The following CAGE1 variants were observed in gnomAD, a reference collection of about 807,000 sequenced individuals.
The protein encoded by CAGE1 is cancer antigen 1.
A neutral mutation model predicts 94.9 loss-of-function variants in CAGE1; 66 were observed. The observed-to-expected ratio is 0.70, with a 90% CI of 0.57 to 0.85. CAGE1 has a LOEUF of 0.85. CAGE1 is among the 40% of genes least tolerant of loss of function. The pLI, the probability that CAGE1 is intolerant of heterozygous loss-of-function variation, is 0.00. For synonymous variants in CAGE1, 319 were observed against 321.0 expected, an observed-to-expected ratio of 0.99 and a Z score of 0.07; for missense variants, 865 against 950.4, an observed-to-expected ratio of 0.91 and a Z score of 1.18.
chr6:7,332,998 T>C (rs748828395), intron 12 of CAGE1, among the ~76,000 whole-genome samples: 23 of 152,284 alleles, frequency 1.5e-4, no homozygotes, highest in Non-Finnish European at 2.9e-4. Context: ...TTGCCCAGGC[T>C]GTAGTGCAGT....
At chr6:7,367,508 C>T (rs1023976392) in intron 7 of CAGE1, among the ~76,000 whole-genome samples, 17 of 152,214 alleles carry the variant, frequency 1.1e-4, no homozygotes, top group Non-Finnish European at 1.5e-4. Flanking sequence ...CTCCTGGGCT[C>T]AGGCCATCCG....
Position 7,378,750 on chromosome 6 carries a change from T to TAG in CAGE1, c.553_554insCT (p.Gln185ProfsTer10). ...TAGAGGCGGGCTTCTAGGAGGAGGC[T>TAG]GTCTAAAATACTCGTTACCAAGTTG... On this transcript the variant is annotated frameshift_variant, in exon 4 of 14. Coordinates refer to ENST00000502583, the MANE Select transcript of CAGE1 (RefSeq NM_001170692.2). LOFTEE classifies it high-confidence loss of function. The TAG allele has an allele frequency of 6.2e-7, 1 of 1,614,000 alleles. No individual in the cohort carries two copies. Among genetic ancestry groups the TAG allele is most frequent in the Middle Eastern group, 1.6e-4 (1 of 6,062 alleles).
intron 11 of CAGE1, among the ~76,000 whole-genome samples, chr6:7,337,804 T>C (rs1163427021): frequency 2.0e-5 from 3 of 152,224 alleles, no homozygotes; most frequent in African/African-American, 7.2e-5. Flanking sequence ...CATTTTATCC[T>C]TCTTTATCAG....
At chr6:7,356,255 CGTAGGTGAA>C (rs1440119237) in intron 9 of CAGE1, 126 bp from the exon 10 acceptor site, 3 of 615,150 alleles carry the variant, frequency 4.9e-6, no homozygotes, top group Non-Finnish European at 8.6e-6. Context: ...CGAGCTGTAC[CGTAGGTGAA>C]GCATGAGAGG....
chr6:7,377,245 A>G (rs1311831826), intron 4 of CAGE1, among the ~76,000 whole-genome samples: 1 of 152,210 alleles, frequency 6.6e-6, no homozygotes, highest in East Asian at 1.9e-4. Context: ...GACTGAATGA[A>G]AAATGGCTAA....
intron 11 of CAGE1, chr6:7,341,766 T>C (rs1044069157): frequency 8.7e-6 from 6 of 687,136 alleles, no homozygotes; most frequent in Non-Finnish European, 1.7e-5. Flanking sequence ...CCATGGCCAG[T>C]GCAGAGAAGA....
chr6:7,380,426 C>T (rs1396213758), intron 3 of CAGE1, among the ~76,000 whole-genome samples: 1 of 152,092 alleles, frequency 6.6e-6, no homozygotes, highest in Non-Finnish European at 1.5e-5. Flanking sequence ...CACCTGAGGT[C>T]AGGAATTCGA....
intron 1 of CAGE1, 30 bp downstream of exon 1, chr6:7,389,172 A>C: frequency 4.6e-6 from 2 of 436,476 alleles, no homozygotes; most frequent in South Asian, 3.2e-5. Context: ...TTTTGTTTAA[A>C]AGCTTTTTCA....
chr6:7,387,989 G>C (rs1761183597), intron 1 of CAGE1, among the ~76,000 whole-genome samples: 1 of 144,892 alleles, frequency 6.9e-6, no homozygotes, highest in Non-Finnish European at 1.5e-5. Flanking sequence ...AGCCGAGATG[G>C]CCCACTGCAC....
At chr6:7,383,087 T>G (rs1760998106) in intron 3 of CAGE1, among the ~76,000 whole-genome samples, 2 of 61,572 alleles carry the variant, frequency 3.2e-5, no homozygotes, top group Non-Finnish European at 6.8e-5. Flanking sequence ...TTGCGATAGT[T>G]GAGTTCTCAC....
chr6:7,352,290 C>CAAAAAAAAAAAAACAAAAAA (rs1759798735), intron 11 of CAGE1, among the ~76,000 whole-genome samples: 1 of 43,632 alleles, frequency 2.3e-5, no homozygotes, highest in Admixed American at 2.9e-4. Context: ...ACAATAGCTG[C>CAAAAAAAAAAAAACAAAAAA]AAAAAAAAAA....
intron 12 of CAGE1, 118 bp from the exon 13 acceptor site, chr6:7,330,006 G>A (rs996926947): frequency 5.9e-5 from 35 of 589,652 alleles, no homozygotes; most frequent in Middle Eastern, 7.4e-4. Context: ...AGGAGAAATC[G>A]TCATTTAAGA....
intron 3 of CAGE1, among the ~76,000 whole-genome samples, chr6:7,381,690 G>A (rs1353216361): frequency 1.3e-5 from 2 of 150,182 alleles, no homozygotes; most frequent in African/African-American, 2.5e-5. Flanking sequence ...CACCATGCCC[G>A]CCTAATTTTT....
chr6:7,344,346 G>C (rs1411285420), intron 11 of CAGE1, among the ~76,000 whole-genome samples: 1 of 152,250 alleles, frequency 6.6e-6, no homozygotes, highest in Non-Finnish European at 1.5e-5. Flanking sequence ...GGGCAATGAG[G>C]GGTTTAGCAC....
intron 4 of CAGE1, among the ~76,000 whole-genome samples, chr6:7,377,174 T>C (rs1177186225): frequency 6.6e-6 from 1 of 152,204 alleles, no homozygotes; most frequent in East Asian, 1.9e-4. Context: ...GTCTATTTTC[T>C]AACCATCACC....
Position 7,373,724 on chromosome 6 carries a change from A to C in CAGE1, c.1095T>G (p.Ile365Met), listed in dbSNP as rs1285652169. ...CTAGGATTATTTTGTATTTGTCTTC[A>C]ATTAATTCTTCAACATTCTCCTTTA... is the stretch of plus-strand genomic sequence containing the variant. ...NKLKENVEEL[I>M]EDKYKIILEK... The change falls in exon 5 of 14, where the codon ATT becomes ATG. Residue 365 changes from isoleucine to methionine, a missense_variant. Coordinates refer to ENST00000502583, the MANE Select transcript of CAGE1 (RefSeq NM_001170692.2). 1 of 1,612,674 alleles carries C rather than the reference A, an allele frequency of 6.2e-7. No homozygotes were observed. Among genetic ancestry groups the C allele is most frequent in the Admixed American group, 1.7e-5 (1 of 59,892 alleles).
In CAGE1 at chr6:7,365,845, A is replaced by C; in HGVS notation, c.2044T>G (p.Leu682Val). 6.5e-7 allele frequency: 1 copy of C among 1,540,756 alleles called. No homozygotes were observed. Among genetic ancestry groups the C allele is most frequent in the Non-Finnish European group, 8.8e-7 (1 of 1,139,738 alleles). Residue 682 changes from leucine to valine, a missense_variant, in exon 8 of 14, where the codon TTA (leucine) becomes GTA (valine). Coordinates refer to ENST00000502583, the MANE Select transcript of CAGE1 (RefSeq NM_001170692.2). Reference sequence around the variant, plus strand: ...TGAAATGCTTTTTCCTTAGCAATTAACTCTCTAAAGGTTGTGATTCTATCT... The same window carrying C: ...TGAAATGCTTTTTCCTTAGCAATTACCTCTCTAAAGGTTGTGATTCTATCT... ...HKDRITTFRELIAKEKAFQDH... is the reference protein window; with the variant it reads ...HKDRITTFREVIAKEKAFQDH...
rs2326903 is a variant in CAGE1 at position 7,368,943 on chromosome 6, C to A, written c.1894-145G>T. The A allele has an allele frequency of 3.8e-3, 2,138 of 558,424 alleles. 34 individuals carry two copies. Among genetic ancestry groups the A allele is most frequent in the African/African-American group, 0.038 (1,926 of 50,456 alleles). 34.6% of individuals were successfully genotyped at this position (558,424 alleles called of 1,614,324 possible). ...GGTAAAATCATATTGAACTCCATTC[C>A]TCAATTACTTATCAGAAGGCATCCA... On this transcript the variant is annotated intron_variant, in intron 6 of 13. Coordinates refer to ENST00000502583, the MANE Select transcript of CAGE1 (RefSeq NM_001170692.2).
chr6:7,359,034 G>A (rs1760078792), intron 9 of CAGE1, among the ~76,000 whole-genome samples: 1 of 151,362 alleles, frequency 6.6e-6, no homozygotes, highest in Admixed American at 6.6e-5. Flanking sequence ...GGTATTCTCT[G>A]TGGTTTTAAT....
Sources: allele counts gnomAD v4.1 joint callset (sites outside exome capture counted in the v4.1 genomes callset), GRCh38; gene constraint gnomAD v4.1.1; transcripts MANE v1.5; gene names NCBI Gene and HGNC (gene_info 2026-07-23, HGNC 2026-07-21).